Variants in FOXK1 observed in about 807,000 individuals in gnomAD.
FOXK1 encodes forkhead box K1, also known as forkhead box protein K1.
In FOXK1, 19 loss-of-function variants were observed where a neutral mutation model predicts 51.9. That is an observed-to-expected ratio of 0.37 (90% CI 0.26 to 0.54). The LOEUF (loss-of-function observed/expected upper bound fraction) is 0.54. Among genes scored for constraint, FOXK1 ranks in the 20% least tolerant of loss-of-function variants. FOXK1 has a pLI of 0.87. For synonymous variants in FOXK1, 537 were observed against 482.6 expected, an observed-to-expected ratio of 1.11 and a Z score of -1.48; for missense variants, 870 against 1,032.7, an observed-to-expected ratio of 0.84 and a Z score of 2.16.
chr7:4,734,867 G>A lies in FOXK1; in HGVS notation c.561-5971G>A, dbSNP rs2115057355. 6.6e-6 allele frequency among the ~76,000 whole-genome samples: 1 copy of A among 152,336 alleles called. No individual in the cohort carries two copies. Among genetic ancestry groups the A allele is most frequent in the South Asian group, 2.1e-4 (1 of 4,832 alleles). On this transcript the variant is annotated intron_variant, in intron 1 of 8. Coordinates refer to ENST00000328914, the MANE Select transcript of FOXK1 (RefSeq NM_001037165.2). This position sits in a 1 kb window ranked among gnomAD's most constrained non-coding sequence, Gnocchi z 5.2. The stretch of plus-strand genomic sequence containing the variant: ...ACCCGTCCTTCCGCTGGGAGAGACG[G>A]GGCGAGGGGACAGCGGTGGACAGGA...
At chr7:4,714,826 T>C (rs562363015) in intron 1 of FOXK1, among the ~76,000 whole-genome samples, 1 of 152,292 alleles carries the variant, frequency 6.6e-6, no homozygotes, top group South Asian at 2.1e-4. Flanking sequence ...CCCAGCGTCT[T>C]GCAAAGGAAG....
chr7:4,754,997 G>C (rs568625742), intron 3 of FOXK1: 2 of 576,918 alleles, frequency 3.5e-6, no homozygotes, highest in South Asian at 4.5e-5. Context: ...TTCTGGAAGA[G>C]GTGAGAAATT....
intron 1 of FOXK1, among the ~76,000 whole-genome samples, chr7:4,701,568 C>T (rs1395136244): frequency 1.3e-5 from 2 of 152,040 alleles, no homozygotes; most frequent in Non-Finnish European, 2.9e-5. Context: ...CCAGTCTGGG[C>T]GACATAGCAA....
At position 4,729,328 on chromosome 7, in the gene FOXK1, C is replaced by T. The variant is rs1402856391; in HGVS notation, c.561-11510C>T. Among the ~76,000 whole-genome samples the T allele has an allele frequency of 6.6e-6, 1 of 152,138 alleles. No homozygotes were observed. The highest frequency in any genetic ancestry group is 6.5e-5 in the Admixed American group (1 of 15,272). On this transcript the variant is annotated intron_variant, in intron 1 of 8. Coordinates refer to ENST00000328914, the MANE Select transcript of FOXK1 (RefSeq NM_001037165.2). This position sits in a 1 kb window ranked among gnomAD's most constrained non-coding sequence, Gnocchi z 6.2. The stretch of plus-strand genomic sequence containing the variant: ...ATCGCTGGGGCCACCGCCGTTTGGC[C>T]GTGTCAGTCATCTGGGGGTCCCTTA...
At chr7:4,720,833 C>T (rs940666713) in intron 1 of FOXK1, among the ~76,000 whole-genome samples, 2 of 151,772 alleles carry the variant, frequency 1.3e-5, no homozygotes, top group African/African-American at 4.8e-5. Flanking sequence ...ATTCTCCTGC[C>T]TCAGCCTCCT....
Position 4,753,200 on chromosome 7 carries a change from G to C in FOXK1, c.747-1259G>C, listed in dbSNP as rs1356980352. Among the ~76,000 whole-genome samples the C allele has an allele frequency of 3.3e-5, 5 of 152,194 alleles. No homozygotes were observed. Among genetic ancestry groups the C allele is most frequent in the Non-Finnish European group, 7.3e-5 (5 of 68,030 alleles). On this transcript the variant is annotated intron_variant, in intron 2 of 8. Coordinates refer to ENST00000328914, the MANE Select transcript of FOXK1 (RefSeq NM_001037165.2). This position sits in a 1 kb window ranked among gnomAD's most constrained non-coding sequence, Gnocchi z 4.9. Reference sequence around the variant, plus strand: ...AACTGATCATTAATGTCAGCTGTCAGGTTTTTCTCAGCCACAGGATTTTTT... The same window carrying C: ...AACTGATCATTAATGTCAGCTGTCACGTTTTTCTCAGCCACAGGATTTTTT...
chr7:4,735,527 G>A lies in FOXK1; in HGVS notation c.561-5311G>A, dbSNP rs547018257. 1.2e-4 allele frequency among the ~76,000 whole-genome samples: 18 copies of A among 152,114 alleles called. No homozygotes were observed. Among genetic ancestry groups the A allele is most frequent in the African/African-American group, 3.1e-4 (13 of 41,500 alleles). On this transcript the variant is annotated intron_variant, in intron 1 of 8. Coordinates refer to ENST00000328914, the MANE Select transcript of FOXK1 (RefSeq NM_001037165.2). The surrounding 1 kb of genome is among the most constrained non-coding windows in gnomAD (Gnocchi z 4.7). ...TCCGTCCCCCCTGCCTGTCCCACCC[G>A]TCACTCCAGCCCTAGGCAACCACTA...
At chr7:4,714,309 C>G (rs1371357934) in intron 1 of FOXK1, among the ~76,000 whole-genome samples, 1 of 151,770 alleles carries the variant, frequency 6.6e-6, no homozygotes, top group African/African-American at 2.4e-5. Context: ...GAGACAGTCT[C>G]GCTGTGTCAC....
intron 1 of FOXK1, among the ~76,000 whole-genome samples, chr7:4,692,440 G>C (rs1779904591): frequency 6.6e-6 from 1 of 152,192 alleles, no homozygotes; most frequent in Non-Finnish European, 1.5e-5. Context: ...TGTTGCCCAG[G>C]CTGGAGGGGC....
chr7:4,732,624 A>C (rs541775459), intron 1 of FOXK1, among the ~76,000 whole-genome samples: 1 of 152,300 alleles, frequency 6.6e-6, no homozygotes, highest in East Asian at 1.9e-4. Flanking sequence ...GCCAATATGC[A>C]TAGTTTTAAA....
chr7:4,746,241 A>G (rs532159640), intron 2 of FOXK1, among the ~76,000 whole-genome samples: 1 of 152,348 alleles, frequency 6.6e-6, no homozygotes, highest in South Asian at 2.1e-4. Flanking sequence ...ATTTTTAAAC[A>G]GTTCTGTCTT....
chr7:4,686,807 A>C (rs1237587983), intron 1 of FOXK1, among the ~76,000 whole-genome samples: 1 of 144,964 alleles, frequency 6.9e-6, no homozygotes, highest in African/African-American at 2.5e-5. Flanking sequence ...GGTGTCCTAA[A>C]AGGACCATGA....
chr7:4,712,483 T>C (rs1780187020), intron 1 of FOXK1, among the ~76,000 whole-genome samples: 1 of 152,206 alleles, frequency 6.6e-6, no homozygotes, highest in Non-Finnish European at 1.5e-5. Context: ...AGTCTGATTA[T>C]TTACCATCAA....
At chr7:4,684,225 T>A (rs1026163822) in intron 1 of FOXK1, among the ~76,000 whole-genome samples, 4 of 152,224 alleles carry the variant, frequency 2.6e-5, no homozygotes, top group African/African-American at 9.6e-5. Context: ...CTCTAACTCA[T>A]CACCAGTGTT....
At chr7:4,742,356 C>G (rs527377224) in intron 2 of FOXK1, among the ~76,000 whole-genome samples, 1 of 152,248 alleles carries the variant, frequency 6.6e-6, no homozygotes, top group African/African-American at 2.4e-5. Flanking sequence ...CTGCTGAACC[C>G]CGGCCGCACC....
Position 4,762,588 on chromosome 7 carries a change from G to A in FOXK1, c.*124G>A, listed in dbSNP as rs1010516393. 8.2e-5 allele frequency: 77 copies of A among 942,100 alleles called. No homozygotes were observed. The highest frequency in any genetic ancestry group is 8.6e-5 in the South Asian group (5 of 57,976). 58.4% of individuals were successfully genotyped at this position (942,100 alleles called of 1,614,324 possible). A position where few individuals can be genotyped will look rare whatever the true frequency, so the allele number is the denominator to read the frequency against. Reference sequence around the variant, plus strand: ...CCCGCGGCGGCCTGTGGGCATCGGCGGCACCTGGACACACCCAGCCCTTTC... The same window carrying A: ...CCCGCGGCGGCCTGTGGGCATCGGCAGCACCTGGACACACCCAGCCCTTTC... On this transcript the variant is annotated 3_prime_UTR_variant, in exon 9 of 9. Transcript: ENST00000328914. The surrounding 1 kb of genome is among the most constrained non-coding windows in gnomAD (Gnocchi z 5.7).
At chr7:4,741,627 G>A (rs537789927) in intron 2 of FOXK1, among the ~76,000 whole-genome samples, 4 of 152,318 alleles carry the variant, frequency 2.6e-5, no homozygotes, top group African/African-American at 4.8e-5. Context: ...CACCGCGCAC[G>A]GCTGAAAATG....
Position 4,765,105 on chromosome 7 carries a change from C to A in FOXK1, c.*2641C>A. 6.5e-6 allele frequency: 1 copy of A among 153,908 alleles called. No homozygotes were observed. Among genetic ancestry groups the A allele is most frequent in the Non-Finnish European group, 1.4e-5 (1 of 69,224 alleles). The allele number at this position is 153,908 out of a possible 1,614,324, so 9.5% of individuals were successfully genotyped here. The stretch of plus-strand genomic sequence containing the variant: ...GAAGGGACGTGGTCCTAGGGGTCGG[C>A]TCAGACTCGGAGCAGGGCAGGGAGA... On this transcript the variant is annotated 3_prime_UTR_variant, in exon 9 of 9. Transcript: ENST00000328914.
chr7:4,692,612 C>G (rs1365428611), intron 1 of FOXK1, among the ~76,000 whole-genome samples: 1 of 152,116 alleles, frequency 6.6e-6, no homozygotes, highest in Non-Finnish European at 1.5e-5. Context: ...GCCAGCTGGT[C>G]TCGAACTCCT....
Sources: allele counts gnomAD v4.1 joint callset (sites outside exome capture counted in the v4.1 genomes callset), GRCh38; gene constraint gnomAD v4.1.1; non-coding constraint Gnocchi (gnomAD v3.1); transcripts MANE v1.5; gene names NCBI Gene and HGNC (gene_info 2026-07-23, HGNC 2026-07-21).